Variants in AKAP6 observed in about 807,000 individuals in gnomAD.
AKAP6 encodes A-kinase anchoring protein 6.
AKAP6 carries 58 observed loss-of-function variants against 188.5 expected under a neutral mutation model. The ratio of observed to expected loss-of-function variants is 0.31; its 90% CI spans 0.25 to 0.38. The LOEUF (loss-of-function observed/expected upper bound fraction) is 0.38, where lower values mean the gene tolerates loss of function less well. Among genes scored for constraint, AKAP6 ranks in the 10% least tolerant of loss-of-function variants. AKAP6 has a pLI of 1.00. For synonymous variants in AKAP6, 989 were observed against 998.6 expected (o/e 0.99, Z 0.18); for missense variants, 2,710 against 2,740.0 (o/e 0.99, Z 0.24).
At chr14:32,569,721 C>T (rs1248332335) in intron 4 of AKAP6, among the ~76,000 whole-genome samples, 1 of 152,102 alleles carries the variant, frequency 6.6e-6, no homozygotes, top group Non-Finnish European at 1.5e-5. Flanking sequence ...AATTTTGCTT[C>T]TAAATAAAGT....
chr14:32,622,277 A>G (rs778610038), intron 7 of AKAP6, among the ~76,000 whole-genome samples: 1 of 152,168 alleles, frequency 6.6e-6, no homozygotes, highest in East Asian at 1.9e-4. Flanking sequence ...AAACTATAAT[A>G]ATATATCACA....
chr14:32,549,259 A>G (rs1340669433), intron 4 of AKAP6, among the ~76,000 whole-genome samples: 2 of 152,162 alleles, frequency 1.3e-5, no homozygotes, highest in Non-Finnish European at 2.9e-5. Context: ...TAAGTACCGA[A>G]TATAAAAACT....
At chr14:32,632,191 C>T (rs1887302567) in intron 7 of AKAP6, among the ~76,000 whole-genome samples, 1 of 151,914 alleles carries the variant, frequency 6.6e-6, no homozygotes, top group Non-Finnish European at 1.5e-5. Context: ...TAAACAATAA[C>T]AAATATTTAG....
At chr14:32,812,562 TC>T (rs2034263561) in intron 12 of AKAP6, among the ~76,000 whole-genome samples, 1 of 152,164 alleles carries the variant, frequency 6.6e-6, no homozygotes, top group African/African-American at 2.4e-5. Flanking sequence ...AAAGCAACAG[TC>T]AAGATAATTT....
At chr14:32,334,600 G>A (rs1471774008) in intron 1 of AKAP6, among the ~76,000 whole-genome samples, 1 of 152,104 alleles carries the variant, frequency 6.6e-6, no homozygotes, top group East Asian at 1.9e-4. Context: ...AGGTATATAT[G>A]TATAGGAAAA....
At chr14:32,796,637 G>A (rs139782000) in intron 12 of AKAP6, among the ~76,000 whole-genome samples, 165 of 152,248 alleles carry the variant, frequency 1.1e-3, no homozygotes, top group Non-Finnish European at 1.0e-4. Context: ...TAACTCAACC[G>A]ATGGATTAAG....
chr14:32,773,028 T>G (rs1388676482), intron 11 of AKAP6, among the ~76,000 whole-genome samples: 1 of 152,212 alleles, frequency 6.6e-6, no homozygotes, highest in Admixed American at 6.5e-5. Flanking sequence ...GGCATGTCCT[T>G]CTTAAATAGT....
intron 1 of AKAP6, among the ~76,000 whole-genome samples, chr14:32,379,478 A>G (rs1420489883): frequency 6.6e-6 from 1 of 152,010 alleles, no homozygotes; most frequent in African/African-American, 2.4e-5. Flanking sequence ...AAGTATAAAG[A>G]CTGTTTCTTC....
intron 2 of AKAP6, among the ~76,000 whole-genome samples, chr14:32,526,979 T>C (rs114454408): frequency 0.012 from 1,842 of 152,314 alleles, 49 homozygotes; most frequent in African/African-American, 0.042. Flanking sequence ...CCCAATTCCA[T>C]AGTGTACATA....
At chr14:32,506,902 C>G (rs923446911) in intron 2 of AKAP6, among the ~76,000 whole-genome samples, 1 of 152,104 alleles carries the variant, frequency 6.6e-6, no homozygotes, top group African/African-American at 2.4e-5. Flanking sequence ...TATAATTATA[C>G]ACATTCATAC....
At chr14:32,620,148 C>T (rs1886755297) in intron 7 of AKAP6, among the ~76,000 whole-genome samples, 1 of 151,982 alleles carries the variant, frequency 6.6e-6, no homozygotes, top group African/African-American at 2.4e-5. Context: ...AATTTGGATG[C>T]CCTTTATTTC....
chr14:32,735,606 GTTTT>G (rs139360332), intron 10 of AKAP6, 48 bp from the exon 11 acceptor site: 2 of 1,317,946 alleles, frequency 1.5e-6, no homozygotes, highest in African/African-American at 3.0e-5. Context: ...TGTTCGTGGG[GTTTT>G]TTTTTGTTTG....
At chr14:32,594,941 T>C (rs1357758940) in intron 5 of AKAP6, among the ~76,000 whole-genome samples, 1 of 152,200 alleles carries the variant, frequency 6.6e-6, no homozygotes, top group African/African-American at 2.4e-5. Context: ...CTCTGGTATT[T>C]ATCATCAGAA....
At chr14:32,571,232 T>C (rs1252253024) in intron 4 of AKAP6, among the ~76,000 whole-genome samples, 3 of 151,656 alleles carry the variant, frequency 2.0e-5, no homozygotes, top group African/African-American at 4.9e-5. Context: ...TTTTTTAATA[T>C]AGTGAAATAG....
At chr14:32,425,075 C>T (rs12891308) in intron 1 of AKAP6, among the ~76,000 whole-genome samples, 43,343 of 152,028 alleles carry the variant, frequency 0.29, 6,853 homozygotes, top group Middle Eastern at 0.43. Context: ...ACATTGACTT[C>T]CTCTATGGCT....
chr14:32,333,515 C>T (rs1417195306), intron 1 of AKAP6, among the ~76,000 whole-genome samples: 6 of 152,074 alleles, frequency 3.9e-5, no homozygotes, highest in Admixed American at 3.9e-4. Context: ...TCTAATACTG[C>T]AATACTATTT....
chr14:32,709,540 G>A (rs1361736029), intron 9 of AKAP6, among the ~76,000 whole-genome samples: 1 of 152,040 alleles, frequency 6.6e-6, no homozygotes, highest in East Asian at 1.9e-4. Flanking sequence ...CATGGAAAGT[G>A]AGAATTTCAG....
chr14:32,836,188 G>T lies in AKAP6; in HGVS notation c.*6383G>T, dbSNP rs1354343853. On this transcript the variant is annotated 3_prime_UTR_variant, in exon 14 of 14. Transcript: ENST00000280979. ...CTGTCTTAGTCTGCCCAGACTGCTT[G>T]GACTGTGTTGTTTATAAACAACAGA... 2 of 152,116 alleles carry T rather than the reference G, an allele frequency of 1.3e-5. No homozygotes were observed. The highest frequency in any genetic ancestry group is 4.8e-5 in the African/African-American group (2 of 41,388). 9.4% of individuals were successfully genotyped at this position (152,116 alleles called of 1,614,324 possible).
intron 7 of AKAP6, among the ~76,000 whole-genome samples, chr14:32,603,461 G>A (rs907975302): frequency 5.9e-5 from 9 of 152,188 alleles, no homozygotes; most frequent in Admixed American, 4.6e-4. Flanking sequence ...ACAGTGAGAA[G>A]GAGAAAGTAT....
Sources: allele counts gnomAD v4.1 joint callset (sites outside exome capture counted in the v4.1 genomes callset), GRCh38; gene constraint gnomAD v4.1.1; transcripts MANE v1.5; gene names NCBI Gene and HGNC (gene_info 2026-07-23, HGNC 2026-07-21).